Variants in PPP1R13B observed in about 807,000 individuals in gnomAD.
The protein encoded by PPP1R13B is protein phosphatase 1 regulatory subunit 13B.
A neutral mutation model predicts 119.8 loss-of-function variants in PPP1R13B; 44 were observed. The observed-to-expected ratio is 0.37, with a 90% CI of 0.29 to 0.47. The LOEUF (loss-of-function observed/expected upper bound fraction) is 0.47. Among genes scored for constraint, PPP1R13B ranks in the 20% least tolerant of loss-of-function variants. The pLI is 0.99. For missense variants in PPP1R13B, 1,227 were observed against 1,413.5 expected, an observed-to-expected ratio of 0.87 and a Z score of 2.12; for synonymous variants, 542 against 561.5, an observed-to-expected ratio of 0.97 and a Z score of 0.49.
chr14:103,784,780 A>T lies in PPP1R13B; in HGVS notation c.277+15T>A. ...TAGCAAAAATTAACAAATGAGGAAG[A>T]AAGCAGTTATCTACCTTGTTCACTG... is the stretch of plus-strand genomic sequence containing the variant. On this transcript the variant is annotated intron_variant, in intron 3 of 16. Transcript: ENST00000202556. The T allele has an allele frequency of 6.4e-7, 1 of 1,554,392 alleles. No individual in the cohort carries two copies. Among genetic ancestry groups the T allele is most frequent in the Non-Finnish European group, 8.7e-7 (1 of 1,143,174 alleles).
At chr14:103,776,056 A>T (rs565653965) in intron 4 of PPP1R13B, among the ~76,000 whole-genome samples, 2 of 152,082 alleles carry the variant, frequency 1.3e-5, no homozygotes, top group East Asian at 3.9e-4. Flanking sequence ...CTACAGACAA[A>T]GCAAAAAAGG....
At chr14:103,767,424 T>C (rs2084962637) in intron 4 of PPP1R13B, among the ~76,000 whole-genome samples, 1 of 152,102 alleles carries the variant, frequency 6.6e-6, no homozygotes, top group East Asian at 1.9e-4. Flanking sequence ...TTTCAAATAC[T>C]TCCTTTGAAA....
In PPP1R13B at chr14:103,757,688, G is replaced by T. The variant is rs1476655404; in HGVS notation, c.418C>A (p.Gln140Lys). The change falls in exon 5 of 17, where the codon CAG becomes AAG. Residue 140 changes from glutamine to lysine, a missense_variant. By Grantham distance (53) the Gln-to-Lys change is moderately conservative (BLOSUM62 1). Coordinates refer to ENST00000202556, the MANE Select transcript of PPP1R13B (RefSeq NM_015316.3). ...ATCTGCTGCTGATTTTCAATCTGCT[G>T]CTGTTGCCTAGCTGCCATATCTTGG... ...ELQDMAARQQ[Q>K]QIENQQQMLV... 6.2e-7 allele frequency: 1 copy of T among 1,614,070 alleles called. No individual in the cohort carries two copies. The highest frequency in any genetic ancestry group is 1.1e-5 in the South Asian group (1 of 91,068).
chr14:103,777,414 G>C (rs142072333), intron 4 of PPP1R13B, among the ~76,000 whole-genome samples: 107 of 152,306 alleles, frequency 7.0e-4, no homozygotes, highest in African/African-American at 2.5e-3. Context: ...ACCATCCATT[G>C]TGTCTGTCAA....
At chr14:103,752,029 T>C (rs906643674) in intron 7 of PPP1R13B, among the ~76,000 whole-genome samples, 5 of 152,234 alleles carry the variant, frequency 3.3e-5, no homozygotes, top group Non-Finnish European at 7.3e-5. Flanking sequence ...AAGGACCGCA[T>C]ACAGGGTGTG....
intron 2 of PPP1R13B, among the ~76,000 whole-genome samples, chr14:103,788,853 A>C (rs144923897): frequency 0.015 from 2,295 of 152,286 alleles, 55 homozygotes; most frequent in African/African-American, 0.052. Flanking sequence ...ATGGCCAAGC[A>C]GCCCTGTTAG....
chr14:103,768,061 T>C (rs1413369807), intron 4 of PPP1R13B, among the ~76,000 whole-genome samples: 1 of 152,084 alleles, frequency 6.6e-6, no homozygotes. Context: ...TTGCATAGAA[T>C]TGTTTTAAAA....
At chr14:103,834,175 G>A (rs1267045637) in intron 1 of PPP1R13B, among the ~76,000 whole-genome samples, 4 of 152,108 alleles carry the variant, frequency 2.6e-5, no homozygotes, top group African/African-American at 9.7e-5. Flanking sequence ...AGACGTTCAA[G>A]ACCAGCCTGA....
intron 4 of PPP1R13B, among the ~76,000 whole-genome samples, chr14:103,768,717 G>A (rs1180722726): frequency 6.6e-6 from 1 of 152,148 alleles, no homozygotes; most frequent in African/African-American, 2.4e-5. Flanking sequence ...TTACAGGCAT[G>A]AGCCACTGCA....
chr14:103,767,440 T>C (rs537977640), intron 4 of PPP1R13B, among the ~76,000 whole-genome samples: 7 of 152,198 alleles, frequency 4.6e-5, no homozygotes, highest in African/African-American at 1.4e-4. Flanking sequence ...TGAAAGTCTC[T>C]GAGATTCCAG....
chr14:103,736,477 G>C (rs1285344217), intron 15 of PPP1R13B: 4 of 532,490 alleles, frequency 7.5e-6, no homozygotes, highest in Non-Finnish European at 1.4e-5. Context: ...AGAGTGTGCT[G>C]TTCTTAAGGT....
chr14:103,821,547 T>A (rs1281658183), intron 1 of PPP1R13B, among the ~76,000 whole-genome samples: 2 of 151,976 alleles, frequency 1.3e-5, no homozygotes, highest in African/African-American at 4.8e-5. Flanking sequence ...AGGTTGGGAG[T>A]TCGAGACCAG....
intron 4 of PPP1R13B, among the ~76,000 whole-genome samples, chr14:103,769,804 CG>C (rs1296930651): frequency 6.6e-6 from 1 of 152,120 alleles, no homozygotes; most frequent in East Asian, 1.9e-4. Context: ...CTTATGAACA[CG>C]GATGCTCATT....
At chr14:103,773,979 G>A (rs1459827037) in intron 4 of PPP1R13B, among the ~76,000 whole-genome samples, 1 of 152,126 alleles carries the variant, frequency 6.6e-6, no homozygotes, top group African/African-American at 2.4e-5. Flanking sequence ...GAATGCTTCT[G>A]GAAATAAACA....
At position 103,734,855 on chromosome 14, in the gene PPP1R13B, G is replaced by T; in HGVS notation, c.*299C>A. On this transcript the variant is annotated 3_prime_UTR_variant, in exon 17 of 17. Transcript: ENST00000202556. ...TTCTGTCTTCACTGGCAACCAACCGGGGGTTATGGGACTTCTTAATGGCAA... is the reference window on the plus strand; with the variant it reads ...TTCTGTCTTCACTGGCAACCAACCGTGGGTTATGGGACTTCTTAATGGCAA... 2.0e-6 allele frequency: 1 copy of T among 504,000 alleles called. No individual in the cohort carries two copies. Among genetic ancestry groups the T allele is most frequent in the Non-Finnish European group, 3.8e-6 (1 of 265,590 alleles). The allele number at this position is 504,000 out of a possible 1,614,324, so 31.2% of individuals were successfully genotyped here.
chr14:103,737,891 C>CT, intron 14 of PPP1R13B, 31 bp from the exon 15 acceptor site: 1 of 1,600,512 alleles, frequency 6.2e-7, no homozygotes, highest in Non-Finnish European at 8.5e-7. Context: ...AGGTGCAGGC[C>CT]TGGCACTGCC....
chr14:103,790,281 CA>C (rs1355547830), intron 2 of PPP1R13B, among the ~76,000 whole-genome samples: 1 of 151,060 alleles, frequency 6.6e-6, no homozygotes, highest in Non-Finnish European at 1.5e-5. Flanking sequence ...CATGTCCACA[CA>C]AACTTTTGTC....
chr14:103,848,265 T>C (rs2087121001), upstream of PPP1R13B: 6 of 985,280 alleles, frequency 6.1e-6, no homozygotes, highest in African/African-American at 3.5e-5. Flanking sequence ...GTGCCACCTG[T>C]GCCCACCTGC....
rs2084036580 is a variant in PPP1R13B, at chr14:103,734,451, A to AAGAGT, written c.*698_*702dup. On this transcript the variant is annotated 3_prime_UTR_variant, in exon 17 of 17. Transcript: ENST00000202556. ...ATGACAGGCTGTGAGATCGGAGGAG[A>AAGAGT]AGAGTATATGCTGAGGCTCTCCCAG... is the stretch of plus-strand genomic sequence containing the variant. 4 of 449,960 alleles carry AAGAGT rather than the reference A, an allele frequency of 8.9e-6. No individual in the cohort carries two copies. Among genetic ancestry groups the AAGAGT allele is most frequent in the South Asian group, 6.2e-5 (4 of 64,158 alleles). 27.9% of individuals were successfully genotyped at this position (449,960 alleles called of 1,614,324 possible).
Sources: gnomAD v4.1 joint callset for allele counts (sites outside exome capture counted in the v4.1 genomes callset) on GRCh38, gnomAD v4.1.1 for gene constraint, MANE v1.5 for transcripts, NCBI Gene and HGNC (gene_info 2026-07-23, HGNC 2026-07-21) for gene names.